ST6GALNAC6: variants seen among roughly 807,000 people sequenced by gnomAD.
ST6GALNAC6 encodes ST6 N-acetylgalactosaminide alpha-2,6-sialyltransferase 6, also known as alpha-N-acetylgalactosaminide alpha-2,6-sialyltransferase 6.
Under a neutral mutation model 34.3 loss-of-function variants are expected in ST6GALNAC6, and 19 were observed. The observed-to-expected ratio is 0.55, with a 90% CI of 0.39 to 0.81. ST6GALNAC6 has a LOEUF of 0.81. Among genes scored for constraint, ST6GALNAC6 ranks in the 40% least tolerant of loss-of-function variants. ST6GALNAC6 has a pLI of 0.00. For missense variants in ST6GALNAC6, 377 were observed against 467.7 expected (o/e 0.81, Z 1.79); for synonymous variants, 185 against 182.1 (o/e 1.02, Z -0.13).
intron 4 of ST6GALNAC6, among the ~76,000 whole-genome samples, chr9:127,892,061 G>A (rs1411374028): frequency 6.6e-6 from 1 of 152,162 alleles, no homozygotes; most frequent in Non-Finnish European, 1.5e-5. Flanking sequence ...TGAGGCAGGA[G>A]AATCGCTTGA....
At position 127,894,381 on chromosome 9, in the gene ST6GALNAC6, C is replaced by T. The variant is rs1588647808; in HGVS notation, c.297+131G>A. ...AGCGCACTTATCCAAGGTCACACAG[C>T]AAGCAGCAAGATGAAATCACCGGAG... On this transcript the variant is annotated intron_variant, in intron 4 of 6. Coordinates refer to ENST00000373146, the MANE Select transcript of ST6GALNAC6 (RefSeq NM_013443.5). 33 of 1,180,642 alleles carry T rather than the reference C, an allele frequency of 2.8e-5. 1 individual carries two copies. The South Asian group carries it at 4.5e-4, about 16-fold the overall frequency. The allele number at this position is 1,180,642 out of a possible 1,614,324, so 73.1% of individuals were successfully genotyped here. A position where few individuals can be genotyped will look rare whatever the true frequency, so the allele number is the denominator to read the frequency against.
At chr9:127,898,917 G>A (rs1401005995) in intron 1 of ST6GALNAC6, among the ~76,000 whole-genome samples, 1 of 152,150 alleles carries the variant, frequency 6.6e-6, no homozygotes, top group East Asian at 1.9e-4. Context: ...CGGCAGCCCC[G>A]AGCGCTGGGC....
intron 4 of ST6GALNAC6, 146 bp from the exon 5 acceptor site, chr9:127,891,189 T>C (rs1376424294): frequency 5.7e-6 from 6 of 1,058,040 alleles, no homozygotes; most frequent in Admixed American, 2.7e-5. Context: ...TCAGCACACA[T>C]TGATAGCAAG....
Position 127,887,551 on chromosome 9 carries a change from T to A in ST6GALNAC6, c.745A>T (p.Met249Leu). The change falls in exon 6 of 7, where the codon ATG (methionine) becomes TTG (leucine). Residue 249 changes from methionine (M) to leucine (L), a missense_variant. Physicochemically the swap from Met to Leu is conservative, Grantham distance 15 (BLOSUM62 2). Coordinates refer to ENST00000373146, the MANE Select transcript of ST6GALNAC6 (RefSeq NM_013443.5). ...TCACACAACTCCACCGCGATCACCATGGTAAACCAGCCTGTGCTCAACCAC... is the reference window on the plus strand; with the variant it reads ...TCACACAACTCCACCGCGATCACCAAGGTAAACCAGCCTGTGCTCAACCAC... Reference protein sequence around the residue: ...HSWLSTGWFTMVIAVELCDHV... With the variant: ...HSWLSTGWFTLVIAVELCDHV... 6.2e-7 allele frequency: 1 copy of A among 1,612,846 alleles called. No individual in the cohort carries two copies. Among genetic ancestry groups the A allele is most frequent in the Non-Finnish European group, 8.5e-7 (1 of 1,179,448 alleles).
At chr9:127,898,358 A>T (rs1441492183) in intron 1 of ST6GALNAC6, among the ~76,000 whole-genome samples, 1 of 152,132 alleles carries the variant, frequency 6.6e-6, no homozygotes, top group African/African-American at 2.4e-5. Flanking sequence ...GTGCCACTGC[A>T]CTCCAGCCTG....
Position 127,886,280 on chromosome 9 carries a change from G to T in ST6GALNAC6, c.*319C>A. ...TTGGGGGGTCCATTCCTGGGGCTCTGAACCAAGGCCTCATGGGAAAGGACA... is the reference window on the plus strand; with the variant it reads ...TTGGGGGGTCCATTCCTGGGGCTCTTAACCAAGGCCTCATGGGAAAGGACA... On this transcript the variant is annotated 3_prime_UTR_variant, in exon 7 of 7. Transcript: ENST00000373146. 1.8e-6 allele frequency: 1 copy of T among 560,844 alleles called. No individual in the cohort carries two copies. The highest frequency in any genetic ancestry group is 2.8e-6 in the Non-Finnish European group (1 of 353,824). The allele number at this position is 560,844 out of a possible 1,614,324, so 34.7% of individuals were successfully genotyped here.
At chr9:127,897,024 G>T (rs1333350943) in intron 2 of ST6GALNAC6, 2 of 912,146 alleles carry the variant, frequency 2.2e-6, no homozygotes, top group Non-Finnish European at 2.6e-6. Context: ...GTCCAGGCTC[G>T]ACAGTCTCTG....
upstream of ST6GALNAC6, among the ~76,000 whole-genome samples, chr9:127,900,991 C>CAAAA (rs56673204): frequency 6.6e-5 from 4 of 60,986 alleles, no homozygotes; most frequent in Admixed American, 2.3e-4. Flanking sequence ...AACTCCCTAT[C>CAAAA]AAAAAAAAAA....
chr9:127,894,085 T>C (rs187202603), intron 4 of ST6GALNAC6, among the ~76,000 whole-genome samples: 69 of 152,226 alleles, frequency 4.5e-4, no homozygotes, highest in African/African-American at 1.6e-3. Context: ...AGGAAGATAA[T>C]AATGCTGCCC....
intron 2 of ST6GALNAC6, 86 bp downstream of exon 2, chr9:127,897,870 T>C (rs1830565900): frequency 2.5e-6 from 4 of 1,601,642 alleles, no homozygotes; most frequent in Non-Finnish European, 3.4e-6. Context: ...GTCCCCCTGG[T>C]CCGCCCCGTC....
chr9:127,899,757 G>C (rs1830685724), upstream of ST6GALNAC6: 1 of 717,730 alleles, frequency 1.4e-6, no homozygotes. Context: ...CCGCCGCCTG[G>C]TGAGCGCCTC....
chr9:127,886,227 C>A lies in ST6GALNAC6; in HGVS notation c.*372G>T. On this transcript the variant is annotated 3_prime_UTR_variant, in exon 7 of 7. Transcript: ENST00000373146. Reference sequence around the variant, plus strand: ...AGTTCCCAGCTCCTTGGGACAGGACCCCATTATCCCAGGAGAGTGGGGAGT... The same window carrying A: ...AGTTCCCAGCTCCTTGGGACAGGACACCATTATCCCAGGAGAGTGGGGAGT... The A allele has an allele frequency of 2.6e-6, 1 of 381,086 alleles. No homozygotes were observed. Among genetic ancestry groups the A allele is most frequent in the Admixed American group, 4.4e-5 (1 of 22,618 alleles). 23.6% of individuals were successfully genotyped at this position (381,086 alleles called of 1,614,324 possible).
intron 2 of ST6GALNAC6, 117 bp downstream of exon 2, chr9:127,897,839 G>T: frequency 6.3e-7 from 1 of 1,581,938 alleles, no homozygotes. Context: ...TGCCCGAGCT[G>T]TGCCCTCAGC....
upstream of ST6GALNAC6, chr9:127,905,526 T>A: frequency 1.3e-6 from 1 of 783,864 alleles, no homozygotes; most frequent in Non-Finnish European, 1.5e-6. Context: ...CAGGAGAGAG[T>A]GGAGTTCAAA....
In ST6GALNAC6 at chr9:127,887,439, G is replaced by C. The variant is rs1374147635; in HGVS notation, c.812+45C>G. 6 of 1,542,634 alleles carry C rather than the reference G, an allele frequency of 3.9e-6. No homozygotes were observed. In the Admixed American group the frequency reaches 7.0e-5, roughly 18 times the overall value. On this transcript the variant is annotated intron_variant, in intron 6 of 6. Transcript: ENST00000373146. ...CCCCTAGAGCTCCATCCTGCGGCCAGTGCCTGGGTGTTGTCCTGGGAGGGC... is the reference window on the plus strand; with the variant it reads ...CCCCTAGAGCTCCATCCTGCGGCCACTGCCTGGGTGTTGTCCTGGGAGGGC...
Position 127,893,824 on chromosome 9 carries a change from C to T in ST6GALNAC6, c.297+688G>A, listed in dbSNP as rs57847438. Among the ~76,000 whole-genome samples, 305 of 152,272 alleles carry T rather than the reference C, an allele frequency of 2.0e-3. 3 individuals carry two copies. Among genetic ancestry groups the T allele is most frequent in the Middle Eastern group, 3.4e-3 (1 of 294 alleles). On this transcript the variant is annotated intron_variant, in intron 4 of 6. Transcript: ENST00000373146. ...GAGCCCGGGCTCTACACTCTGCATG[C>T]GAAGGCCCTGAAGAAAATATAGGAG... is the stretch of plus-strand genomic sequence containing the variant.
chr9:127,896,466 C>T, intron 2 of ST6GALNAC6, 134 bp from the exon 3 acceptor site: 1 of 727,146 alleles, frequency 1.4e-6, no homozygotes, highest in Non-Finnish European at 2.2e-6. Context: ...ATCCCTTTTG[C>T]AGACGGAGAC....
chr9:127,899,489 C>T lies in ST6GALNAC6; in HGVS notation c.-30+14G>A. On this transcript the variant is annotated intron_variant, in intron 1 of 6. Transcript: ENST00000373146. ...CCCGCCCCCGCGGCCTGCTCCCGCG[C>T]GGCGCCTGCTCACCTCCGGCGGGGA... 1.0e-6 allele frequency: 1 copy of T among 973,592 alleles called. No individual in the cohort carries two copies. Among genetic ancestry groups the T allele is most frequent in the South Asian group, 4.6e-5 (1 of 21,656 alleles). 60.3% of individuals were successfully genotyped at this position (973,592 alleles called of 1,614,324 possible). A position where few individuals can be genotyped will look rare whatever the true frequency, so the allele number is the denominator to read the frequency against.
At chr9:127,897,388 A>G (rs1830531842) in intron 2 of ST6GALNAC6, 1 of 986,142 alleles carries the variant, frequency 1.0e-6, no homozygotes, top group African/African-American at 1.7e-5. Context: ...GTTTACTCCT[A>G]CACGGCCACC....
Sources: allele counts gnomAD v4.1 joint callset (sites outside exome capture counted in the v4.1 genomes callset), GRCh38; gene constraint gnomAD v4.1.1; transcripts MANE v1.5; gene names NCBI Gene and HGNC (gene_info 2026-07-23, HGNC 2026-07-21).